Variants in MDN1 observed in about 807,000 individuals in gnomAD.
MDN1 encodes the protein midasin AAA ATPase 1, also known as midasin.
A neutral mutation model predicts 669.2 loss-of-function variants in MDN1; 266 were observed. The observed-to-expected ratio is 0.40, with a 90% CI of 0.36 to 0.44. The LOEUF is 0.44. Among genes scored for constraint, MDN1 ranks in the 20% least tolerant of loss-of-function variants. The probability of loss-of-function intolerance (pLI) is 1.00; values close to 1 mark genes in which losing one functional copy is unlikely to be tolerated. For synonymous variants in MDN1, 2,385 were observed against 2,457.1 expected (o/e 0.97, Z 0.87); for missense variants, 5,940 against 6,754.0 (o/e 0.88, Z 4.22).
intron 99 of MDN1, among the ~76,000 whole-genome samples, chr6:89,647,536 A>C (rs1808566895): frequency 6.6e-6 from 1 of 152,216 alleles, no homozygotes; most frequent in African/African-American, 2.4e-5. Context: ...CAATGATGCA[A>C]AGTCAAGTGA....
chr6:89,659,677 T>C (rs1216658624), intron 88 of MDN1, among the ~76,000 whole-genome samples: 1 of 151,610 alleles, frequency 6.6e-6, no homozygotes, highest in Non-Finnish European at 1.5e-5. Context: ...AAAAACACAA[T>C]AGGAAAATTT....
intron 83 of MDN1, among the ~76,000 whole-genome samples, chr6:89,668,849 C>T (rs1403693180): frequency 6.6e-6 from 1 of 152,122 alleles, no homozygotes; most frequent in Non-Finnish European, 1.5e-5. Flanking sequence ...TCTCAAGTTC[C>T]CTTGAACTAC....
intron 39 of MDN1, 43 bp from the exon 40 acceptor site, chr6:89,723,186 T>C: frequency 1.9e-6 from 3 of 1,562,960 alleles, no homozygotes; most frequent in Non-Finnish European, 2.6e-6. Context: ...CCCTGCTTAC[T>C]ACTAGGCACT....
intron 2 of MDN1, among the ~76,000 whole-genome samples, chr6:89,799,948 G>A (rs1323000548): frequency 6.6e-6 from 1 of 152,090 alleles, no homozygotes; most frequent in East Asian, 1.9e-4. Context: ...GTGACAATGG[G>A]AAAGTCCCTA....
At chr6:89,648,412 C>T (rs1292674585) in intron 97 of MDN1, 83 bp from the exon 98 acceptor site, 2 of 1,339,270 alleles carry the variant, frequency 1.5e-6, no homozygotes, top group Admixed American at 3.6e-5. Context: ...CATCAAGATT[C>T]CCAAAGAAAA....
chr6:89,771,461 G>A (rs962046901), intron 15 of MDN1, 100 bp downstream of exon 15: 5 of 1,012,662 alleles, frequency 4.9e-6, no homozygotes, highest in African/African-American at 1.6e-5. Flanking sequence ...CTATTGCATC[G>A]AGCATCCTAG....
intron 27 of MDN1, among the ~76,000 whole-genome samples, chr6:89,746,523 G>A (rs1425183777): frequency 1.3e-5 from 2 of 150,076 alleles, no homozygotes; most frequent in Admixed American, 6.7e-5. Flanking sequence ...AGACCCGGGA[G>A]GCAGAGGTTA....
intron 22 of MDN1, among the ~76,000 whole-genome samples, chr6:89,752,959 C>A (rs1056960059): frequency 6.6e-6 from 1 of 151,960 alleles, no homozygotes; most frequent in South Asian, 2.1e-4. Context: ...CCAGTCCCTA[C>A]TAAAATTACA....
intron 64 of MDN1, 45 bp from the exon 65 acceptor site, chr6:89,690,188 T>C (rs1454941080): frequency 1.8e-5 from 29 of 1,584,608 alleles, no homozygotes; most frequent in Non-Finnish European, 2.3e-5. Context: ...AATCAGAATC[T>C]ACTTCTAATC....
chr6:89,729,258 C>T lies in MDN1; in HGVS notation c.5141-119G>A, dbSNP rs1051442429. ...TTATCAGTTAGTGAAATACCATTTG[C>T]AGTGAAAATGTTCAATCCCTATTTC... is the stretch of plus-strand genomic sequence containing the variant. On this transcript the variant is annotated intron_variant, in intron 35 of 101. Transcript: ENST00000369393. 6.6e-6 allele frequency: 5 copies of T among 756,706 alleles called. No individual in the cohort carries two copies. In the African/African-American group the frequency reaches 8.8e-5, roughly 13 times the overall value. The allele number at this position is 756,706 out of a possible 1,614,324, so 46.9% of individuals were successfully genotyped here.
intron 82 of MDN1, 51 bp downstream of exon 82, chr6:89,672,149 T>C: frequency 6.7e-7 from 1 of 1,503,168 alleles, no homozygotes; most frequent in Non-Finnish European, 8.8e-7. Flanking sequence ...CACTCTGCCT[T>C]TGCTCAGTGC....
chr6:89,661,660 T>G, intron 87 of MDN1, 82 bp from the exon 88 acceptor site: 2 of 1,348,320 alleles, frequency 1.5e-6, no homozygotes, highest in Non-Finnish European at 2.0e-6. Context: ...AAATCAGCTC[T>G]AAGTATTTAC....
chr6:89,662,701 A>C, intron 86 of MDN1, 91 bp downstream of exon 86: 1 of 1,373,450 alleles, frequency 7.3e-7, no homozygotes, highest in Admixed American at 2.4e-5. Flanking sequence ...CAAATACAGA[A>C]AAAGAAGAGA....
chr6:89,721,186 T>C (rs567357423), intron 40 of MDN1, among the ~76,000 whole-genome samples: 2 of 152,242 alleles, frequency 1.3e-5, no homozygotes, highest in African/African-American at 4.8e-5. Context: ...TCCTGTGAGG[T>C]ATGGTGCTGG....
At chr6:89,818,432 C>A (rs1326740432) in intron 1 of MDN1, among the ~76,000 whole-genome samples, 1 of 151,364 alleles carries the variant, frequency 6.6e-6, no homozygotes, top group Non-Finnish European at 1.5e-5. Flanking sequence ...CCAGGGGTTC[C>A]AGACCAGTCG....
chr6:89,684,046 TA>T (rs1562085056), intron 71 of MDN1, 142 bp from the exon 72 acceptor site: 7 of 669,578 alleles, frequency 1.0e-5, no homozygotes, highest in Non-Finnish European at 1.8e-5. Flanking sequence ...AAAACAAGTC[TA>T]AAAAAGAAAC....
intron 79 of MDN1, 118 bp from the exon 80 acceptor site, chr6:89,673,580 C>A (rs938758178): frequency 3.1e-5 from 26 of 836,642 alleles, no homozygotes; most frequent in Non-Finnish European, 4.8e-5. Flanking sequence ...TGAAGGTTTA[C>A]GGCTAAACAC....
At chr6:89,665,047 TAGAC>T (rs1209953542) in intron 84 of MDN1, among the ~76,000 whole-genome samples, 2 of 152,148 alleles carry the variant, frequency 1.3e-5, no homozygotes. Context: ...TTTATGTTGT[TAGAC>T]AGTGTCTCAC....
At chr6:89,812,440 A>C (rs1768494346) in intron 1 of MDN1, among the ~76,000 whole-genome samples, 2 of 152,094 alleles carry the variant, frequency 1.3e-5, no homozygotes, top group Non-Finnish European at 2.9e-5. Flanking sequence ...CCCACCAAAA[A>C]TACTAACCAA....
Sources: allele counts gnomAD v4.1 joint callset (sites outside exome capture counted in the v4.1 genomes callset), GRCh38; gene constraint gnomAD v4.1.1; transcripts MANE v1.5; gene names NCBI Gene and HGNC (gene_info 2026-07-23, HGNC 2026-07-21).